PARD6G: variants seen among roughly 807,000 people sequenced by gnomAD.
The protein encoded by PARD6G is par-6 family cell polarity regulator gamma.
PARD6G carries 7 observed loss-of-function variants against 10.7 expected under a neutral mutation model. The ratio of observed to expected loss-of-function variants is 0.66; its 90% CI spans 0.37 to 1.23. The LOEUF is 1.23. Among genes scored for constraint, PARD6G ranks in the 50% most tolerant of loss-of-function variants. PARD6G has a pLI of 0.02. For synonymous variants in PARD6G, 287 were observed against 269.4 expected, an observed-to-expected ratio of 1.07 and a Z score of -0.64; for missense variants, 548 against 571.8, an observed-to-expected ratio of 0.96 and a Z score of 0.42.
chr18:80,179,124 G>C (rs2052833529), intron 2 of PARD6G, among the ~76,000 whole-genome samples: 1 of 152,190 alleles, frequency 6.6e-6, no homozygotes, highest in Non-Finnish European at 1.5e-5. Context: ...CGACGCATCA[G>C]CTGGTGAGCA....
At chr18:80,196,415 A>G (rs2145276003) in intron 2 of PARD6G, among the ~76,000 whole-genome samples, 1 of 152,368 alleles carries the variant, frequency 6.6e-6, no homozygotes, top group East Asian at 1.9e-4. Flanking sequence ...TTTAAAAACA[A>G]CAAAGTTTTA....
At chr18:80,173,181 C>T (rs62101567) in intron 2 of PARD6G, among the ~76,000 whole-genome samples, 64,777 of 152,014 alleles carry the variant, frequency 0.43, 15,114 homozygotes, top group South Asian at 0.55. Flanking sequence ...CATGTTCAGC[C>T]ACTAGGTTCC....
In PARD6G at chr18:80,184,019, C is replaced by T. The variant is rs1431172423; in HGVS notation, c.295+18691G>A. 6.6e-6 allele frequency: 1 copy of T among 152,178 alleles called. No homozygotes were observed. Among genetic ancestry groups the T allele is most frequent in the Non-Finnish European group, 1.5e-5 (1 of 68,032 alleles). The allele number at this position is 152,178 out of a possible 1,614,324, so 9.4% of individuals were successfully genotyped here. Reference sequence around the variant, plus strand: ...CATATATGTTAGCGGTCAAAGAACTCTGTTTTTCTTGGTCCAAACCAGAGG... The same window carrying T: ...CATATATGTTAGCGGTCAAAGAACTTTGTTTTTCTTGGTCCAAACCAGAGG... On this transcript the variant is annotated intron_variant, in intron 2 of 2. Coordinates refer to ENST00000353265, the MANE Select transcript of PARD6G (RefSeq NM_032510.4). The surrounding 1 kb of genome is among the most constrained non-coding windows in gnomAD (Gnocchi z 4.5).
At chr18:80,244,579 C>T (rs975419718) in intron 1 of PARD6G, among the ~76,000 whole-genome samples, 17 of 152,150 alleles carry the variant, frequency 1.1e-4, no homozygotes, top group African/African-American at 3.9e-4. Context: ...TAACTCAAAG[C>T]GCTCTTGTAT....
rs1193663742 is a variant in PARD6G at position 80,201,428 on chromosome 18, C to T, written c.295+1282G>A. Among the ~76,000 whole-genome samples the T allele has an allele frequency of 3.3e-5, 5 of 152,170 alleles. No individual in the cohort carries two copies. Among genetic ancestry groups the T allele is most frequent in the Non-Finnish European group, 5.9e-5 (4 of 68,028 alleles). ...GCTGTGCAGAGCCATGCAGAGACAGCGAGGGTCCTTGCCCCCAGCAACCCC... is the reference window on the plus strand; with the variant it reads ...GCTGTGCAGAGCCATGCAGAGACAGTGAGGGTCCTTGCCCCCAGCAACCCC... On this transcript the variant is annotated intron_variant, in intron 2 of 2. Transcript: ENST00000353265. The surrounding 1 kb of genome is among the most constrained non-coding windows in gnomAD (Gnocchi z 5.9).
intron 2 of PARD6G, among the ~76,000 whole-genome samples, chr18:80,202,294 T>C (rs1485964912): frequency 1.3e-5 from 2 of 152,184 alleles, no homozygotes; most frequent in South Asian, 2.1e-4. Context: ...TTATTACTTA[T>C]AGCGAAACTG....
chr18:80,247,275 A>G lies in PARD6G; in HGVS notation c.72+2T>C. 6.3e-7 allele frequency: 1 copy of G among 1,576,038 alleles called. No individual in the cohort carries two copies. Among genetic ancestry groups the G allele is most frequent in the Middle Eastern group, 1.7e-4 (1 of 5,920 alleles). On this transcript the variant is annotated splice_donor_variant, in intron 1 of 2. Transcript: ENST00000353265. LOFTEE classifies it high-confidence loss of function. This position sits in a 1 kb window ranked among gnomAD's most constrained non-coding sequence, Gnocchi z 4.2. ...GGCCGCCGGGGCGGGCGGGGGGCTTACCTTGCTCTTGACTTCCACTGCGCT... is the reference window on the plus strand; with the variant it reads ...GGCCGCCGGGGCGGGCGGGGGGCTTGCCTTGCTCTTGACTTCCACTGCGCT...
intron 2 of PARD6G, chr18:80,162,380 A>G (rs2052706288): frequency 6.2e-6 from 1 of 161,392 alleles, no homozygotes; most frequent in Non-Finnish European, 1.5e-5. Context: ...ATATGTACCC[A>G]CAAAAATAAA....
intron 2 of PARD6G, among the ~76,000 whole-genome samples, chr18:80,194,588 CA>C (rs993075093): frequency 1.3e-4 from 20 of 152,188 alleles, no homozygotes; most frequent in African/African-American, 4.1e-4. Context: ...TATGGACATT[CA>C]CCCCCCCGAG....
intron 1 of PARD6G, among the ~76,000 whole-genome samples, chr18:80,210,081 A>G (rs1599865761): frequency 6.6e-6 from 1 of 152,188 alleles, no homozygotes; most frequent in East Asian, 1.9e-4. Context: ...GTTGCGATAA[A>G]AGTAATGTTC....
intron 2 of PARD6G, among the ~76,000 whole-genome samples, chr18:80,197,184 G>A (rs930017762): frequency 9.9e-5 from 15 of 152,162 alleles, no homozygotes; most frequent in African/African-American, 3.6e-4. Flanking sequence ...CTTAACTGAG[G>A]GCTTCCTGAT....
At chr18:80,173,988 C>A (rs1202129265) in intron 2 of PARD6G, among the ~76,000 whole-genome samples, 1 of 152,194 alleles carries the variant, frequency 6.6e-6, no homozygotes, top group Non-Finnish European at 1.5e-5. Context: ...GGCATTCAGT[C>A]TGTAGAGTTA....
chr18:80,171,138 C>A (rs1316985721), intron 2 of PARD6G: 1 of 152,196 alleles, frequency 6.6e-6, no homozygotes, highest in Non-Finnish European at 1.5e-5. Flanking sequence ...TCCCTGAAGC[C>A]ATAACTCACT....
At chr18:80,203,051 A>G (rs555350774) in intron 1 of PARD6G, 119 bp from the exon 2 acceptor site, 14 of 677,394 alleles carry the variant, frequency 2.1e-5, no homozygotes, top group South Asian at 1.9e-4. Flanking sequence ...ATTTTCTTTA[A>G]TCAATCATCC....
At chr18:80,168,137 G>A (rs1425281731) in intron 2 of PARD6G, among the ~76,000 whole-genome samples, 1 of 152,150 alleles carries the variant, frequency 6.6e-6, no homozygotes, top group Non-Finnish European at 1.5e-5. Context: ...TGCGTTTGGT[G>A]CCAACCACCC....
At chr18:80,210,116 A>G (rs1967093540) in intron 1 of PARD6G, among the ~76,000 whole-genome samples, 1 of 152,194 alleles carries the variant, frequency 6.6e-6, no homozygotes, top group East Asian at 1.9e-4. Flanking sequence ...TCAATAAGCA[A>G]GGAGACAAAA....
At chr18:80,241,852 T>G (rs576287197) in intron 1 of PARD6G, among the ~76,000 whole-genome samples, 2 of 152,324 alleles carry the variant, frequency 1.3e-5, no homozygotes, top group East Asian at 3.9e-4. Context: ...TTGCTGCCTC[T>G]AAAGGTCATG....
At chr18:80,168,138 C>T (rs2052748929) in intron 2 of PARD6G, among the ~76,000 whole-genome samples, 1 of 152,160 alleles carries the variant, frequency 6.6e-6, no homozygotes, top group Admixed American at 6.5e-5. Flanking sequence ...GCGTTTGGTG[C>T]CAACCACCCC....
intron 1 of PARD6G, among the ~76,000 whole-genome samples, chr18:80,244,147 G>A (rs1967517948): frequency 6.6e-6 from 1 of 152,054 alleles, no homozygotes; most frequent in Non-Finnish European, 1.5e-5. Context: ...TTCTAAGGTG[G>A]CCAAGGACTC....
Sources: allele counts gnomAD v4.1 joint callset (sites outside exome capture counted in the v4.1 genomes callset), GRCh38; gene constraint gnomAD v4.1.1; non-coding constraint Gnocchi (gnomAD v3.1); transcripts MANE v1.5; gene names NCBI Gene and HGNC (gene_info 2026-07-23, HGNC 2026-07-21).